Variants in PCF11 observed in about 807,000 individuals in gnomAD.
PCF11 encodes pre-mRNA cleavage complex 2 protein Pcf11.
A neutral mutation model predicts 166.1 loss-of-function variants in PCF11; 19 were observed. The ratio of observed to expected loss-of-function variants is 0.11; its 90% CI spans 0.08 to 0.17. PCF11 has a LOEUF of 0.17. Among genes scored for constraint, PCF11 ranks in the 10% least tolerant of loss-of-function variants. The probability of loss-of-function intolerance (pLI) is 1.00; values close to 1 mark genes in which losing one functional copy is unlikely to be tolerated. For synonymous variants in PCF11, 663 were observed against 644.1 expected, an observed-to-expected ratio of 1.03 and a Z score of -0.44; for missense variants, 1,565 against 1,855.5, an observed-to-expected ratio of 0.84 and a Z score of 2.88.
chr11:83,159,621 G>T (rs185233181), intron 1 of PCF11, among the ~76,000 whole-genome samples: 1 of 152,252 alleles, frequency 6.6e-6, no homozygotes, highest in East Asian at 1.9e-4. Context: ...ACGTTTCCTG[G>T]TTATTTTTGT....
At chr11:83,168,397 T>C (rs572755340) in intron 7 of PCF11, 31 bp from the exon 8 acceptor site, 32 of 1,524,920 alleles carry the variant, frequency 2.1e-5, no homozygotes, top group African/African-American at 1.1e-4. Context: ...AAGATAACTT[T>C]AGTGAAAATA....
At chr11:83,176,591 A>G (rs968011790) in intron 9 of PCF11, among the ~76,000 whole-genome samples, 1 of 152,158 alleles carries the variant, frequency 6.6e-6, no homozygotes, top group Non-Finnish European at 1.5e-5. Context: ...CAAGGGCAGA[A>G]AAACAAACAC....
chr11:83,171,592 C>T (rs1000328338), intron 8 of PCF11, among the ~76,000 whole-genome samples: 1 of 152,144 alleles, frequency 6.6e-6, no homozygotes, highest in African/African-American at 2.4e-5. Context: ...GAAGTTTTAA[C>T]CCATTCTCAG....
chr11:83,182,132 G>T, intron 13 of PCF11, 123 bp downstream of exon 13: 1 of 844,262 alleles, frequency 1.2e-6, no homozygotes, highest in African/African-American at 1.7e-5. Context: ...CTTCTTGAAA[G>T]CTCTACTCTT....
intron 11 of PCF11, chr11:83,180,002 TTTA>T (rs1163948227): frequency 6.6e-6 from 1 of 152,168 alleles, no homozygotes; most frequent in Non-Finnish European, 1.5e-5. Flanking sequence ...AAGACTGTTT[TTTA>T]TTATTCAGTA....
exon 16 of PCF11, chr11:83,186,760 C>G (rs973922787): frequency 1.3e-5 from 2 of 152,168 alleles, no homozygotes; most frequent in African/African-American, 4.8e-5. Context: ...AAACACGTAA[C>G]AGCTGAACTT....
chr11:83,166,550 T>C (rs900212773), exon 5 of PCF11: 6 of 1,613,920 alleles, frequency 3.7e-6, no homozygotes. Context: ...CTAAACAGGA[T>C]ATTCGGGATC....
At chr11:83,161,618 T>A (rs1235390112) in intron 2 of PCF11, among the ~76,000 whole-genome samples, 166 bp downstream of exon 2, 1 of 152,204 alleles carries the variant, frequency 6.6e-6, no homozygotes, top group Non-Finnish European at 1.5e-5. Context: ...TAATGTTTTA[T>A]GTTAGATTTT....
At position 83,181,384 on chromosome 11, in the gene PCF11, A is replaced by G. The variant is rs192625316; in HGVS notation, c.4167+193A>G. Among the ~76,000 whole-genome samples the G allele has an allele frequency of 4.5e-3, 689 of 151,630 alleles. 4 individuals are homozygous for G. The highest frequency in any genetic ancestry group is 0.024 in the Middle Eastern group (7 of 294). Reference sequence around the variant, plus strand: ...AGAATATAAACAGATTTTTTAAAAAATGAATTTTGAAGAGTATTTTTTTTT... The same window carrying G: ...AGAATATAAACAGATTTTTTAAAAAGTGAATTTTGAAGAGTATTTTTTTTT... On this transcript the variant is annotated intron_variant, in intron 12 of 15. Coordinates refer to ENST00000298281, the Ensembl canonical transcript of PCF11.
chr11:83,159,937 T>A (rs865899607), intron 1 of PCF11, among the ~76,000 whole-genome samples: 2 of 152,192 alleles, frequency 1.3e-5, no homozygotes, highest in Non-Finnish European at 1.5e-5. Context: ...AGAGCCTGTT[T>A]ATCTTCATAA....
chr11:83,174,635 A>C (rs535796003), intron 9 of PCF11, among the ~76,000 whole-genome samples: 4 of 152,220 alleles, frequency 2.6e-5, no homozygotes, highest in African/African-American at 9.6e-5. Context: ...TTAACCTCAT[A>C]TCAATCTTAG....
chr11:83,184,530 T>C (rs1861204166), intron 15 of PCF11, 149 bp from the exon 16 acceptor site: 2 of 625,144 alleles, frequency 3.2e-6, no homozygotes, highest in Non-Finnish European at 5.6e-6. Flanking sequence ...GTTGTCTTTA[T>C]GGCACATTTT....
rs767056580 is a variant in PCF11, at chr11:83,184,639, T to G, written c.4453-40T>G. ...TAAATGTTATTTAATGTGAGAATTTTGAACTTTCATCAGTACTCATAGGGC... is the reference window on the plus strand; with the variant it reads ...TAAATGTTATTTAATGTGAGAATTTGGAACTTTCATCAGTACTCATAGGGC... On this transcript the variant is annotated intron_variant, in intron 15 of 15. Coordinates refer to ENST00000298281, the Ensembl canonical transcript of PCF11. 3 of 1,359,536 alleles carry G rather than the reference T, an allele frequency of 2.2e-6. No individual in the cohort carries two copies. In the African/African-American group the frequency reaches 4.4e-5, roughly 20 times the overall value. 84.2% of individuals were successfully genotyped at this position (1,359,536 alleles called of 1,614,324 possible).
rs755217300 is a variant in PCF11 at position 83,177,071 on chromosome 11, C to CT, written c.3758-6dup. 85 of 1,436,754 alleles carry CT rather than the reference C, an allele frequency of 5.9e-5. No homozygotes were observed. The highest frequency in any genetic ancestry group is 2.2e-4 in the Admixed American group (7 of 32,302). The allele number at this position is 1,436,754 out of a possible 1,614,324, so 89.0% of individuals were successfully genotyped here. A position where few individuals can be genotyped will look rare whatever the true frequency, so the allele number is the denominator to read the frequency against. ...CAAAAGTGGTTTTTTTTCTTTCTTT[C>CT]TTTTTTTTGTTAGGAGCCCTCCCTA... On this transcript the variant is annotated splice_polypyrimidine_tract_variant and intron_variant, in intron 9 of 15. Coordinates refer to ENST00000298281, the Ensembl canonical transcript of PCF11.
exon 8 of PCF11, chr11:83,168,974 G>A (rs866822339): frequency 1.9e-6 from 3 of 1,613,630 alleles, no homozygotes; most frequent in African/African-American, 2.7e-5. Context: ...AGGTTTGAGG[G>A]ACATCGTGGT....
chr11:83,165,425 A>T (rs1473816904), intron 4 of PCF11, among the ~76,000 whole-genome samples, 175 bp from the exon 5 acceptor site: 1 of 152,226 alleles, frequency 6.6e-6, no homozygotes, highest in African/African-American at 2.4e-5. Flanking sequence ...AACTTAAATC[A>T]TGGACTTTTT....
chr11:83,163,015 C>T (rs1043740858), intron 2 of PCF11, among the ~76,000 whole-genome samples: 18 of 152,206 alleles, frequency 1.2e-4, no homozygotes, highest in Non-Finnish European at 2.1e-4. Context: ...AGGTGATCCA[C>T]CTGCCTCGGC....
chr11:83,168,279 A>T, intron 7 of PCF11, 149 bp from the exon 8 acceptor site: 1 of 717,304 alleles, frequency 1.4e-6, no homozygotes. Context: ...CTGACTCTAG[A>T]GGGCATCCTC....
chr11:83,157,574 G>A lies in PCF11; in HGVS notation c.135G>A (p.Glu45=), dbSNP rs1860039512. The A allele has an allele frequency of 4.3e-6, 7 of 1,613,904 alleles. No homozygotes were observed. The African/African-American group carries it at 8.0e-5, about 18-fold the overall frequency. Residue 45 remains glutamate (E), a synonymous_variant, in exon 1 of 16, where the codon GAG becomes GAA. Transcript: ENST00000298281. ...TCAATATGCTGACCATTCTAGCCGA[G>A]GAGAACCTGCCCTTCGCCAAGGAGA...
Sources: gnomAD v4.1 joint callset for allele counts (sites outside exome capture counted in the v4.1 genomes callset) on GRCh38, gnomAD v4.1.1 for gene constraint, MANE v1.5 for transcripts, NCBI Gene and HGNC (gene_info 2026-07-23, HGNC 2026-07-21) for gene names.